Variants in PARN observed in about 807,000 individuals in gnomAD.
PARN encodes poly(A)-specific ribonuclease PARN.
Under a neutral mutation model 102.8 loss-of-function variants are expected in PARN, and 71 were observed. The observed-to-expected ratio is 0.69, with a 90% CI of 0.57 to 0.84. The LOEUF (loss-of-function observed/expected upper bound fraction) is 0.84. Among genes scored for constraint, PARN ranks in the 40% least tolerant of loss-of-function variants. The pLI is 0.00. For missense variants in PARN, 782 were observed against 760.9 expected, an observed-to-expected ratio of 1.03 and a Z score of -0.33; for synonymous variants, 261 against 252.9, an observed-to-expected ratio of 1.03 and a Z score of -0.30.
chr16:14,605,021 C>T (rs1036816133), intron 10 of PARN, among the ~76,000 whole-genome samples: 19 of 152,152 alleles, frequency 1.2e-4, no homozygotes, highest in Non-Finnish European at 2.5e-4. Context: ...CTCACTGCAG[C>T]CTCAAATTTC....
At chr16:14,628,912 G>A (rs373840966) in intron 2 of PARN, among the ~76,000 whole-genome samples, 162 of 152,304 alleles carry the variant, frequency 1.1e-3, no homozygotes, top group African/African-American at 3.6e-3. Context: ...AAAAAAATTT[G>A]CAACTTTAAG....
intron 21 of PARN, among the ~76,000 whole-genome samples, chr16:14,516,129 G>C (rs889014070): frequency 1.3e-5 from 2 of 151,530 alleles, no homozygotes; most frequent in African/African-American, 4.8e-5. Context: ...AACACAACTT[G>C]CCTTAAGAGA....
intron 22 of PARN, among the ~76,000 whole-genome samples, chr16:14,480,948 T>A (rs1963346312): frequency 6.6e-6 from 1 of 150,900 alleles, no homozygotes; most frequent in Admixed American, 6.6e-5. Flanking sequence ...AAAAAATAAA[T>A]AAATAAATAA....
intron 21 of PARN, among the ~76,000 whole-genome samples, chr16:14,539,657 A>T (rs896813781): frequency 1.3e-5 from 2 of 152,244 alleles, no homozygotes; most frequent in Non-Finnish European, 2.9e-5. Context: ...CAAGTTTTCT[A>T]ATCAGAAGGT....
intron 21 of PARN, among the ~76,000 whole-genome samples, chr16:14,519,501 G>A: frequency 6.6e-6 from 1 of 152,144 alleles, no homozygotes; most frequent in Non-Finnish European, 1.5e-5. Context: ...CTTTGTAGAA[G>A]TGCTGATTCC....
rs749716960 is a variant in PARN, at chr16:14,561,157, CA to C, written c.1263-5449del. On this transcript the variant is annotated intron_variant, in intron 18 of 23. Transcript: ENST00000437198. ...AAGTGATAAGAGCAAAACTCCGTCT[CA>C]AAAAAAAAAAAAAAAAAGAAAAGGG... 6.9e-3 allele frequency among the ~76,000 whole-genome samples: 395 copies of C among 57,180 alleles called. 1 individual carries two copies. The highest frequency in any genetic ancestry group is 0.022 in the East Asian group (42 of 1,876). The allele number at this position is 57,180 out of a possible 152,430, so 37.5% of individuals were successfully genotyped here. A position where few individuals can be genotyped will look rare whatever the true frequency, so the allele number is the denominator to read the frequency against.
At chr16:14,568,067 G>A (rs997689660) in intron 18 of PARN, among the ~76,000 whole-genome samples, 1 of 152,128 alleles carries the variant, frequency 6.6e-6, no homozygotes, top group Non-Finnish European at 1.5e-5. Context: ...CACACCGCCT[G>A]CTGTGTTTCT....
At chr16:14,517,619 A>G (rs1596556080) in intron 21 of PARN, among the ~76,000 whole-genome samples, 1 of 152,256 alleles carries the variant, frequency 6.6e-6, no homozygotes, top group Non-Finnish European at 1.5e-5. Flanking sequence ...CCATATGCTT[A>G]TATGCTAAAA....
intron 21 of PARN, among the ~76,000 whole-genome samples, chr16:14,500,028 T>A (rs1023874432): frequency 6.6e-6 from 1 of 152,192 alleles, no homozygotes; most frequent in Non-Finnish European, 1.5e-5. Flanking sequence ...GAAAGTCAGG[T>A]ATACAGAGAG....
At chr16:14,580,841 G>GA (rs768626741) in intron 18 of PARN, 33 bp downstream of exon 18, 1 of 1,337,954 alleles carries the variant, frequency 7.5e-7, no homozygotes, top group Non-Finnish European at 1.1e-6. Flanking sequence ...CACAGTGAGA[G>GA]AACTTGGAAA....
intron 21 of PARN, among the ~76,000 whole-genome samples, chr16:14,484,855 AC>A (rs1482217710): frequency 6.6e-6 from 1 of 152,220 alleles, no homozygotes; most frequent in African/African-American, 2.4e-5. Context: ...ACAAATTTTT[AC>A]TAAGAAGTTT....
chr16:14,451,193 C>A (rs1961428943), intron 22 of PARN, among the ~76,000 whole-genome samples: 1 of 152,278 alleles, frequency 6.6e-6, no homozygotes, highest in African/African-American at 2.4e-5. Flanking sequence ...TCCCACACTG[C>A]CCATTTCAAT....
intron 22 of PARN, among the ~76,000 whole-genome samples, chr16:14,471,608 C>T (rs1962746058): frequency 6.6e-6 from 1 of 152,144 alleles, no homozygotes. Context: ...ACTCACACTG[C>T]TGGGCAACCA....
intron 22 of PARN, among the ~76,000 whole-genome samples, chr16:14,465,937 A>G (rs1962316326): frequency 6.6e-6 from 1 of 152,232 alleles, no homozygotes; most frequent in Non-Finnish European, 1.5e-5. Context: ...ACTTATAAGT[A>G]GGCACTTTGT....
At chr16:14,607,044 G>C (rs1048839796) in intron 9 of PARN, among the ~76,000 whole-genome samples, 1 of 152,084 alleles carries the variant, frequency 6.6e-6, no homozygotes, top group Admixed American at 6.6e-5. Flanking sequence ...GCCTCCCAAA[G>C]TATTGGGATT....
rs751632900 is a variant in PARN, at chr16:14,446,961, A to G, written c.1791T>C (p.Cys597=). 7 of 1,613,658 alleles carry G rather than the reference A, an allele frequency of 4.3e-6. No homozygotes were observed. Among genetic ancestry groups the G allele is most frequent in the Non-Finnish European group, 5.9e-6 (7 of 1,179,768 alleles). Residue 597 remains cysteine, a synonymous_variant, in exon 23 of 24, where the codon TGT becomes TGC. Coordinates refer to ENST00000437198, the MANE Select transcript of PARN (RefSeq NM_002582.4). ...SDTELEQTDS[C]AEPLSEGRKK... ...TCCTTCCCTCTGAGAGGGGCTCTGC[A>G]CAGGAATCGGTCTGCTCAAGCTCAG...
intron 21 of PARN, among the ~76,000 whole-genome samples, chr16:14,500,501 G>A (rs1964529855): frequency 1.3e-5 from 2 of 152,050 alleles, no homozygotes. Context: ...CAAACTCCTG[G>A]ACTCAAGCAA....
At chr16:14,623,331 T>C (rs929879434) in intron 5 of PARN, among the ~76,000 whole-genome samples, 4 of 151,720 alleles carry the variant, frequency 2.6e-5, no homozygotes, top group Non-Finnish European at 5.9e-5. Flanking sequence ...CTGGCCAACA[T>C]GGTGAAACCC....
Position 14,577,788 on chromosome 16 carries a change from C to A in PARN, c.1262+3086G>T, listed in dbSNP as rs534216773. ...GTTCAAGCAATTCTCCTGCCTCAGC[C>A]CCCCCAGTAGCTGGGATTACAGGCA... On this transcript the variant is annotated intron_variant, in intron 18 of 23. Coordinates refer to ENST00000437198, the MANE Select transcript of PARN (RefSeq NM_002582.4). Among the ~76,000 whole-genome samples, 22 of 152,192 alleles carry A rather than the reference C, an allele frequency of 1.4e-4. No individual in the cohort carries two copies. The East Asian group carries it at 1.6e-3, about 11-fold the overall frequency.
Sources: allele counts gnomAD v4.1 joint callset (sites outside exome capture counted in the v4.1 genomes callset), GRCh38; gene constraint gnomAD v4.1.1; transcripts MANE v1.5; gene names NCBI Gene and HGNC (gene_info 2026-07-23, HGNC 2026-07-21).